KCNC1: variants seen among roughly 807,000 people sequenced by gnomAD.
KCNC1 encodes potassium voltage-gated channel subfamily C member 1.
In KCNC1, 8 loss-of-function variants were observed where a neutral mutation model predicts 43.4. The observed-to-expected ratio is 0.18, with a 90% CI of 0.11 to 0.33. KCNC1 has a LOEUF of 0.33. KCNC1 is among the 10% of genes least tolerant of loss of function. KCNC1 has a pLI of 1.00. For synonymous variants in KCNC1, 361 were observed against 360.5 expected (o/e 1.00, Z -0.01); for missense variants, 420 against 836.0 (o/e 0.50, Z 6.14).
intron 1 of KCNC1, among the ~76,000 whole-genome samples, chr11:17,764,048 T>A (rs111165364): frequency 1.7e-5 from 1 of 58,308 alleles, no homozygotes; most frequent in Non-Finnish European, 3.1e-5. Context: ...CACACACACA[T>A]ACCCCCACAC....
At chr11:17,764,664 C>T (rs547326799) in intron 1 of KCNC1, among the ~76,000 whole-genome samples, 8 of 152,312 alleles carry the variant, frequency 5.3e-5, no homozygotes, top group African/African-American at 1.7e-4. Flanking sequence ...TGCGCCGGTG[C>T]AGCATCTGGC....
chr11:17,777,747 CTTTTT>C lies in KCNC1; in HGVS notation c.1505-1704_1505-1700del. 1.0e-6 allele frequency: 1 copy of C among 981,778 alleles called. No homozygotes were observed. Among genetic ancestry groups the C allele is most frequent in the Non-Finnish European group, 1.2e-6 (1 of 826,360 alleles). The allele number at this position is 981,778 out of a possible 1,614,324, so 60.8% of individuals were successfully genotyped here. A position where few individuals can be genotyped will look rare whatever the true frequency, so the allele number is the denominator to read the frequency against. Reference sequence around the variant, plus strand: ...ATGCTTTGCCATCTTGTACGAAAGACTTTTTTTTTAAGTTCCAAAATTATGATGGG... The same window carrying C: ...ATGCTTTGCCATCTTGTACGAAAGACTTTTAAGTTCCAAAATTATGATGGG... On this transcript the variant is annotated intron_variant, in intron 2 of 3. Coordinates refer to ENST00000265969, the MANE Select transcript of KCNC1 (RefSeq NM_001112741.2). This position sits in a 1 kb window ranked among gnomAD's most constrained non-coding sequence, Gnocchi z 4.3.
At chr11:17,741,184 G>A (rs1204096917) in intron 1 of KCNC1, among the ~76,000 whole-genome samples, 1 of 151,834 alleles carries the variant, frequency 6.6e-6, no homozygotes. Context: ...CCTTGTATGG[G>A]GTCCTCAGGT....
intron 1 of KCNC1, among the ~76,000 whole-genome samples, chr11:17,753,287 C>A (rs991759757): frequency 5.9e-5 from 9 of 152,256 alleles, no homozygotes; most frequent in Admixed American, 2.6e-4. Context: ...CTTGAGCCAT[C>A]CTAGCACAGT....
At chr11:17,758,154 A>G (rs934059616) in intron 1 of KCNC1, among the ~76,000 whole-genome samples, 5 of 152,234 alleles carry the variant, frequency 3.3e-5, no homozygotes, top group Admixed American at 2.6e-4. Flanking sequence ...AACAATGTTT[A>G]TAGCATCTTC....
chr11:17,764,042 C>T (rs1269366612), intron 1 of KCNC1, among the ~76,000 whole-genome samples: 1 of 146,088 alleles, frequency 6.8e-6, no homozygotes, highest in East Asian at 2.1e-4. Context: ...CGCCCACACA[C>T]ACACATACCC....
intron 1 of KCNC1, among the ~76,000 whole-genome samples, chr11:17,755,111 T>C (rs1431558815): frequency 1.3e-5 from 2 of 152,104 alleles, no homozygotes; most frequent in Non-Finnish European, 2.9e-5. Flanking sequence ...GGGTAAGCCA[T>C]AGGCGTACCT....
chr11:17,736,108 T>TA lies in KCNC1; in HGVS notation c.106_107insA (p.Trp36Ter), dbSNP rs1180754769. The change falls in exon 1 of 4, where the codon TGG becomes TAGG. Residue 36 changes from tryptophan to a stop codon, truncating the protein, a stop_gained and frameshift_variant. Coordinates refer to ENST00000265969, the MANE Select transcript of KCNC1 (RefSeq NM_001112741.2). LOFTEE classifies it high-confidence loss of function. This position sits in a 1 kb window ranked among gnomAD's most constrained non-coding sequence, Gnocchi z 9.3. ...CACGCTGCCCGGCACGCGGCTCGCC[T>TA]GGCTGGCGGAGCCCGACGCCCACAG... is the stretch of plus-strand genomic sequence containing the variant. ...LRTLPGTRLAWLAEPDAHSHF... is the reference protein window; with the variant it reads ...LRTLPGTRLA The TA allele has an allele frequency of 6.2e-7, 1 of 1,609,436 alleles. No individual in the cohort carries two copies. The highest frequency in any genetic ancestry group is 8.5e-7 in the Non-Finnish European group (1 of 1,178,404).
intron 1 of KCNC1, among the ~76,000 whole-genome samples, chr11:17,752,398 G>C (rs1047642595): frequency 3.3e-5 from 5 of 152,154 alleles, no homozygotes; most frequent in African/African-American, 1.2e-4. Context: ...GCTCATTACA[G>C]TCACGGCTGC....
At chr11:17,775,137 G>GA in intron 2 of KCNC1, 1 of 985,628 alleles carries the variant, frequency 1.0e-6, no homozygotes, top group Non-Finnish European at 1.2e-6. Context: ...AATTGTGAGA[G>GA]ATGAGATGCA....
chr11:17,747,151 T>C (rs1848909417), intron 1 of KCNC1, among the ~76,000 whole-genome samples: 1 of 152,140 alleles, frequency 6.6e-6, no homozygotes, highest in South Asian at 2.1e-4. Context: ...CTTCCTCCAG[T>C]CTGTCTACCA....
rs1434586422 is a variant in KCNC1, at chr11:17,736,314, C to T, written c.312C>T (p.Cys104=). ...WGIDETDVEP[C]CWMTYRQHRD... ...TCGACGAGACCGACGTGGAGCCCTG[C>T]TGCTGGATGACGTACCGCCAGCACC... The change falls in exon 1 of 4, where the codon TGC becomes TGT. Residue 104 remains cysteine (C), a synonymous_variant. Transcript: ENST00000265969. This position sits in a 1 kb window ranked among gnomAD's most constrained non-coding sequence, Gnocchi z 9.3. 1.2e-6 allele frequency: 2 copies of T among 1,613,170 alleles called. No individual in the cohort carries two copies. Among genetic ancestry groups the T allele is most frequent in the Non-Finnish European group, 1.7e-6 (2 of 1,179,890 alleles).
intron 1 of KCNC1, among the ~76,000 whole-genome samples, chr11:17,763,330 C>A (rs945605393): frequency 6.6e-6 from 1 of 151,976 alleles, no homozygotes; most frequent in East Asian, 1.9e-4. Context: ...AAGGGGCACA[C>A]CCCTGGGCTA....
intron 1 of KCNC1, among the ~76,000 whole-genome samples, chr11:17,746,840 A>G (rs2133784310): frequency 6.6e-6 from 1 of 152,088 alleles, no homozygotes; most frequent in East Asian, 1.9e-4. Flanking sequence ...CAGCCCCACT[A>G]CCTTCCAGCT....
intron 1 of KCNC1, among the ~76,000 whole-genome samples, chr11:17,760,356 A>G (rs1849064160): frequency 6.6e-6 from 1 of 152,146 alleles, no homozygotes; most frequent in Non-Finnish European, 1.5e-5. Flanking sequence ...CACAAGAGGA[A>G]TTTCCCACGT....
rs780951660 is a variant in KCNC1, at chr11:17,779,729, C to A, written c.1693+85C>A. 8.8e-7 allele frequency: 1 copy of A among 1,135,848 alleles called. No homozygotes were observed. The allele number at this position is 1,135,848 out of a possible 1,614,324, so 70.4% of individuals were successfully genotyped here. On this transcript the variant is annotated intron_variant, in intron 3 of 3. Coordinates refer to ENST00000265969, the MANE Select transcript of KCNC1 (RefSeq NM_001112741.2). The surrounding 1 kb of genome is among the most constrained non-coding windows in gnomAD (Gnocchi z 7.2). ...GGGTGGGCAGGGCGGCGGGCAAGGG[C>A]GCTGAGGGGCAGGCAGGCACACCGA...
intron 1 of KCNC1, among the ~76,000 whole-genome samples, chr11:17,737,590 A>T (rs1343132346): frequency 1.3e-5 from 2 of 152,012 alleles, no homozygotes; most frequent in Non-Finnish European, 2.9e-5. Flanking sequence ...AACATCAGTG[A>T]CTGAGCCCAA....
At chr11:17,757,672 CA>C (rs1434134808) in intron 1 of KCNC1, among the ~76,000 whole-genome samples, 1 of 152,110 alleles carries the variant, frequency 6.6e-6, no homozygotes, top group African/African-American at 2.4e-5. Context: ...GTGAATATCA[CA>C]ATAAAGCAAG....
intron 1 of KCNC1, among the ~76,000 whole-genome samples, chr11:17,760,437 G>A (rs1364299779): frequency 6.6e-6 from 1 of 152,158 alleles, no homozygotes; most frequent in African/African-American, 2.4e-5. Flanking sequence ...GTTAGCCTCC[G>A]TATTTATTTA....
Sources: gnomAD v4.1 joint callset for allele counts (sites outside exome capture counted in the v4.1 genomes callset) on GRCh38, gnomAD v4.1.1 for gene constraint, Gnocchi (gnomAD v3.1) non-coding constraint, MANE v1.5 for transcripts, NCBI Gene and HGNC (gene_info 2026-07-23, HGNC 2026-07-21) for gene names.